The following ITGB4 variants were observed in gnomAD, a reference collection of about 807,000 sequenced individuals.
The protein encoded by ITGB4 is integrin subunit beta 4.
ITGB4 carries 159 observed loss-of-function variants against 207.6 expected under a neutral mutation model. The ratio of observed to expected loss-of-function variants is 0.77; its 90% confidence interval spans 0.67 to 0.87. The LOEUF is 0.87. ITGB4 is among the 40% of genes least tolerant of loss of function. The pLI is 0.00. For missense variants in ITGB4, 2,278 were observed against 2,546.8 expected, an observed-to-expected ratio of 0.89 and a Z score of 2.27; for synonymous variants, 1,020 against 1,062.7, an observed-to-expected ratio of 0.96 and a Z score of 0.78.
rs762078248 is a variant in ITGB4 at position 75,739,629 on chromosome 17, G to A, written c.2221-43G>A. 1 of 1,613,250 alleles carries A rather than the reference G, an allele frequency of 6.2e-7. No individual in the cohort carries two copies. Among genetic ancestry groups the A allele is most frequent in the Non-Finnish European group, 8.5e-7 (1 of 1,179,440 alleles). ...GGCTGGAAGGGCTTACCTGGGCCAG[G>A]GCAGCTGTCTCAGGCCTCACCCTCA... On this transcript the variant is annotated intron_variant, in intron 18 of 39. Coordinates refer to ENST00000200181, the MANE Select transcript of ITGB4 (RefSeq NM_000213.5). This position sits in a 1 kb window ranked among gnomAD's most constrained non-coding sequence, Gnocchi z 5.4.
rs1568339518 is a variant in ITGB4 at position 75,724,708 on chromosome 17, C to T, written c.5C>T (p.Ala2Val). MAGPRPSPWARL... is the reference protein window; with the variant it reads MVGPRPSPWARL... The stretch of plus-strand genomic sequence containing the variant: ...CTGTTCTGCAGGAGGAAGAGGATGG[C>T]AGGGCCACGCCCCAGCCCATGGGCC... Residue 2 changes from alanine (A) to valine (V), a missense_variant, in exon 2 of 40, where the codon GCA becomes GTA. Ala to Val is a moderately conservative substitution (Grantham distance 64, BLOSUM62 0). Transcript: ENST00000200181. 1 of 1,613,412 alleles carries T rather than the reference C, an allele frequency of 6.2e-7. No individual in the cohort carries two copies. Among genetic ancestry groups the T allele is most frequent in the East Asian group, 2.2e-5 (1 of 44,884 alleles).
At chr17:75,730,056 T>C (rs1207757483) in intron 7 of ITGB4, among the ~76,000 whole-genome samples, 185 bp from the exon 8 acceptor site, 1 of 152,240 alleles carries the variant, frequency 6.6e-6, no homozygotes, top group Non-Finnish European at 1.5e-5. Flanking sequence ...CTCCAGCTCC[T>C]GTTTCTCAGC....
chr17:75,731,399 G>C lies in ITGB4; in HGVS notation c.1215+31G>C, dbSNP rs781637526. ...CCTCTGTGGGGGCAGCGGGGTGGGG[G>C]ATAGGCACAGCGCCCCACACCGAGT... On this transcript the variant is annotated intron_variant, in intron 10 of 39. Transcript: ENST00000200181. The surrounding 1 kb of genome is among the most constrained non-coding windows in gnomAD (Gnocchi z 6.8). 6.3e-7 allele frequency: 1 copy of C among 1,591,346 alleles called. No homozygotes were observed. The highest frequency in any genetic ancestry group is 8.6e-7 in the Non-Finnish European group (1 of 1,164,376).
At position 75,731,193 on chromosome 17, in the gene ITGB4, G is replaced by A. The variant is rs2060848301; in HGVS notation, c.1093-53G>A. 5 of 1,612,630 alleles carry A rather than the reference G, an allele frequency of 3.1e-6. No individual in the cohort carries two copies. The highest frequency in any genetic ancestry group is 2.7e-5 in the African/African-American group (2 of 74,912). ...ATGCCAGCCACACTTGGAGGTTGGG[G>A]TGGAGCACAGAGGCCCCCCACAGAG... On this transcript the variant is annotated intron_variant, in intron 9 of 39. Coordinates refer to ENST00000200181, the MANE Select transcript of ITGB4 (RefSeq NM_000213.5). This position sits in a 1 kb window ranked among gnomAD's most constrained non-coding sequence, Gnocchi z 6.8.
chr17:75,743,628 C>T lies in ITGB4; in HGVS notation c.2963-85C>T, dbSNP rs184910412. 2.0e-4 allele frequency: 320 copies of T among 1,587,868 alleles called. 1 individual carries two copies. In the African/African-American group the frequency reaches 3.9e-3, roughly 19 times the overall value. ...ACCAAGCGGACTCCTGGATTCTGGG[C>T]TGGGCTGGGCAGGGTCACAGGAGAG... is the stretch of plus-strand genomic sequence containing the variant. On this transcript the variant is annotated intron_variant, in intron 25 of 39. Transcript: ENST00000200181.
At chr17:75,755,229 C>T in intron 34 of ITGB4, 1 of 1,596,124 alleles carries the variant, frequency 6.3e-7, no homozygotes, top group Non-Finnish European at 8.6e-7. Flanking sequence ...ACAGGGGTGG[C>T]CATCCTGTCT....
chr17:75,753,674 CCCCTCGCAGAGCCTACGGCCTT>C, intron 32 of ITGB4, 69 bp from the exon 33 acceptor site: 3 of 844,008 alleles, frequency 3.6e-6, no homozygotes, highest in Non-Finnish European at 4.7e-6. Context: ...GAGACGGGCT[CCCCTCGCAGAGCCTACGGCCTT>C]CCCCCGCCTG....
chr17:75,740,315 G>A lies in ITGB4; in HGVS notation c.2447-43G>A, dbSNP rs770041004. 23 of 1,533,680 alleles carry A rather than the reference G, an allele frequency of 1.5e-5. No individual in the cohort carries two copies. The highest frequency in any genetic ancestry group is 2.1e-5 in the Non-Finnish European group (23 of 1,115,766). On this transcript the variant is annotated intron_variant, in intron 20 of 39. Transcript: ENST00000200181. The surrounding 1 kb of genome is among the most constrained non-coding windows in gnomAD (Gnocchi z 5.9). The stretch of plus-strand genomic sequence containing the variant: ...CTCTGTGGTGCCTGTCATGCAGGGG[G>A]CTGACCACCTCCATCTCACCCCCTC...
Position 75,750,281 on chromosome 17 carries a change from G to T in ITGB4, c.3474+13G>T, listed in dbSNP as rs1222677789. ...AATGGGGTACAGGGTAAGGCGGGGG[G>T]CTGAGGGTCACGACAGGTGGATGGG... On this transcript the variant is annotated intron_variant, in intron 28 of 39. Transcript: ENST00000200181. The surrounding 1 kb of genome is among the most constrained non-coding windows in gnomAD (Gnocchi z 5.5). The T allele has an allele frequency of 6.2e-7, 1 of 1,603,570 alleles. No homozygotes were observed. The highest frequency in any genetic ancestry group is 1.3e-5 in the African/African-American group (1 of 74,848).
At chr17:75,745,045 G>A (rs538038305) in intron 26 of ITGB4, among the ~76,000 whole-genome samples, 31 of 152,264 alleles carry the variant, frequency 2.0e-4, no homozygotes, top group Non-Finnish European at 4.4e-4. Flanking sequence ...GATTACAGGT[G>A]TAAGCCAGTG....
intron 18 of ITGB4, among the ~76,000 whole-genome samples, chr17:75,738,301 C>A (rs1227929421): frequency 6.6e-6 from 1 of 151,830 alleles, no homozygotes; most frequent in Non-Finnish European, 1.5e-5. Flanking sequence ...GGAGCCCCAG[C>A]CCCCAGCTCA....
intron 12 of ITGB4, 92 bp from the exon 13 acceptor site, chr17:75,733,398 A>T (rs962308425): frequency 1.3e-5 from 14 of 1,058,278 alleles, no homozygotes; most frequent in Non-Finnish European, 1.7e-5. Context: ...AAAAAAAAAT[A>T]AAATAATTAA....
rs1278687917 is a variant in ITGB4, at chr17:75,731,775, G to T, written c.1216-37G>T. The T allele has an allele frequency of 1.3e-6, 2 of 1,544,234 alleles. No homozygotes were observed. Among genetic ancestry groups the T allele is most frequent in the African/African-American group, 2.7e-5 (2 of 73,278 alleles). ...CATCGATGGCCCCCTGGTCCTTGGGGCTGGGCCTGCCTTGGCTGACCACGG... is the reference window on the plus strand; with the variant it reads ...CATCGATGGCCCCCTGGTCCTTGGGTCTGGGCCTGCCTTGGCTGACCACGG... On this transcript the variant is annotated intron_variant, in intron 10 of 39. Coordinates refer to ENST00000200181, the MANE Select transcript of ITGB4 (RefSeq NM_000213.5). This position sits in a 1 kb window ranked among gnomAD's most constrained non-coding sequence, Gnocchi z 6.8.
chr17:75,737,454 TGG>T lies in ITGB4; in HGVS notation c.2113+13_2113+14del, dbSNP rs759762694. On this transcript the variant is annotated intron_variant, in intron 17 of 39. Coordinates refer to ENST00000200181, the MANE Select transcript of ITGB4 (RefSeq NM_000213.5). ...GTGCACAAGAAGAAGGGTGAGCTGGTGGGGCCGGGCGCAGGGAGGGGGCGTGT... is the reference window on the plus strand; with the variant it reads ...GTGCACAAGAAGAAGGGTGAGCTGGTGGCCGGGCGCAGGGAGGGGGCGTGT... 63 of 1,552,670 alleles carry T rather than the reference TGG, an allele frequency of 4.1e-5. 1 individual carries two copies. In the South Asian group the frequency reaches 6.7e-4, roughly 16 times the overall value.
Position 75,722,757 on chromosome 17 carries a change from CTGTGTGTGTGTGTGTGTGTG to C in ITGB4, c.-11+1161_-11+1180del, listed in dbSNP as rs55981241. Among the ~76,000 whole-genome samples the C allele has an allele frequency of 1.5e-5, 2 of 135,062 alleles. No individual in the cohort carries two copies. Among genetic ancestry groups the C allele is most frequent in the Admixed American group, 7.3e-5 (1 of 13,746 alleles). The allele number at this position is 135,062 out of a possible 152,430, so 88.6% of individuals were successfully genotyped here. ...GAGCCTGTGGGTGGGTGGGCATGGC[CTGTGTGTGTGTGTGTGTGTG>C]TGTGTGTGTGTGTGTCCCTGTGGGG... On this transcript the variant is annotated intron_variant, in intron 1 of 39. Coordinates refer to ENST00000200181, the MANE Select transcript of ITGB4 (RefSeq NM_000213.5). The surrounding 1 kb of genome is among the most constrained non-coding windows in gnomAD (Gnocchi z 6.2).
chr17:75,731,789 G>A lies in ITGB4; in HGVS notation c.1216-23G>A, dbSNP rs905139383. The A allele has an allele frequency of 6.4e-7, 1 of 1,557,722 alleles. No individual in the cohort carries two copies. On this transcript the variant is annotated intron_variant, in intron 10 of 39. Coordinates refer to ENST00000200181, the MANE Select transcript of ITGB4 (RefSeq NM_000213.5). This position sits in a 1 kb window ranked among gnomAD's most constrained non-coding sequence, Gnocchi z 6.8. ...TGGTCCTTGGGGCTGGGCCTGCCTT[G>A]GCTGACCACGGGGCCCCTGCAGGGT...
Position 75,742,712 on chromosome 17 carries a change from T to C in ITGB4, c.2913T>C (p.Thr971=), listed in dbSNP as rs763963862. The change falls in exon 25 of 40, where the codon ACT becomes ACC. Residue 971 remains threonine, a synonymous_variant. Coordinates refer to ENST00000200181, the MANE Select transcript of ITGB4 (RefSeq NM_000213.5). This position sits in a 1 kb window ranked among gnomAD's most constrained non-coding sequence, Gnocchi z 5.9. ...LVEAIDVPAG[T]ATLGRRLVNI... ...AGGCCATCGACGTGCCCGCAGGCAC[T>C]GCCACCCTCGGCCGCCGCCTGGTAA... 8 of 1,613,468 alleles carry C rather than the reference T, an allele frequency of 5.0e-6. No individual in the cohort carries two copies. Among genetic ancestry groups the C allele is most frequent in the Non-Finnish European group, 5.9e-6 (7 of 1,180,032 alleles).
In ITGB4 at chr17:75,740,261, C is replaced by G. The variant is rs369986402; in HGVS notation, c.2447-97C>G. 688 of 1,301,636 alleles carry G rather than the reference C, an allele frequency of 5.3e-4. 2 individuals carry two copies. In the African/African-American group the frequency reaches 8.6e-3, roughly 16 times the overall value. The allele number at this position is 1,301,636 out of a possible 1,614,324, so 80.6% of individuals were successfully genotyped here. On this transcript the variant is annotated intron_variant, in intron 20 of 39. Coordinates refer to ENST00000200181, the MANE Select transcript of ITGB4 (RefSeq NM_000213.5). The surrounding 1 kb of genome is among the most constrained non-coding windows in gnomAD (Gnocchi z 5.9). ...GCGTGGCCTGCTGGCCAGGCATCCC[C>G]TGATCCTAGCATGGTTGCTGGAGGG...
chr17:75,752,586 A>G lies in ITGB4; in HGVS notation c.4108+9A>G. Reference sequence around the variant, plus strand: ...CGTCTCCGATGACACTGGTGAGTGGAGACCTGGGACCCACAAGAGGACAGT... The same window carrying G: ...CGTCTCCGATGACACTGGTGAGTGGGGACCTGGGACCCACAAGAGGACAGT... On this transcript the variant is annotated intron_variant, in intron 32 of 39. Transcript: ENST00000200181. 6.2e-7 allele frequency: 1 copy of G among 1,613,394 alleles called. No individual in the cohort carries two copies. The highest frequency in any genetic ancestry group is 8.5e-7 in the Non-Finnish European group (1 of 1,179,942).
Sources: allele counts gnomAD v4.1 joint callset (sites outside exome capture counted in the v4.1 genomes callset), GRCh38; gene constraint gnomAD v4.1.1; non-coding constraint Gnocchi (gnomAD v3.1); transcripts MANE v1.5; gene names NCBI Gene and HGNC (gene_info 2026-07-23, HGNC 2026-07-21).